MYH11: variants seen among roughly 807,000 people sequenced by gnomAD.
The protein encoded by MYH11 is myosin-11.
MYH11 carries 80 observed loss-of-function variants against 246.6 expected under a neutral mutation model. That is an observed-to-expected ratio of 0.32 (90% confidence interval 0.27 to 0.39). The LOEUF (loss-of-function observed/expected upper bound fraction) is 0.39, where lower values mean the gene tolerates loss of function less well. Ranked by LOEUF, MYH11 falls within the 10% of genes least tolerant of loss-of-function variation. The pLI, the probability that MYH11 is intolerant of heterozygous loss-of-function variation, is 1.00. For missense variants in MYH11, 2,158 were observed against 2,546.8 expected (o/e 0.85, Z 3.29); for synonymous variants, 1,071 against 1,015.5 (o/e 1.05, Z -1.04).
chr16:15,728,552 CTT>C (rs958478427), intron 27 of MYH11, among the ~76,000 whole-genome samples: 80 of 152,062 alleles, frequency 5.3e-4, no homozygotes, highest in Admixed American at 2.0e-3. Flanking sequence ...TTAAGGGAAA[CTT>C]ATTTTATGGA....
chr16:15,737,442 C>T lies in MYH11; in HGVS notation c.3293+7G>A, dbSNP rs201955317. 5.6e-6 allele frequency: 9 copies of T among 1,611,302 alleles called. No individual in the cohort carries two copies. The East Asian group carries it at 6.7e-5, about 12-fold the overall frequency. On this transcript the variant is annotated splice_region_variant and intron_variant, in intron 25 of 40. Coordinates refer to ENST00000300036, the MANE Select transcript of MYH11 (RefSeq NM_002474.3). ...ACACAGCAAATGCCCCTTGCCAGCC[C>T]CGCTACCTGGCCAGGGCCGCCTGCA...
At chr16:15,724,016 A>G in intron 31 of MYH11, 145 bp downstream of exon 31, 1 of 1,408,874 alleles carries the variant, frequency 7.1e-7, no homozygotes, top group Non-Finnish European at 9.8e-7. Flanking sequence ...TGGTCGCCCA[A>G]GACAAGATAA....
At chr16:15,720,687 T>G in intron 33 of MYH11, 152 bp downstream of exon 33, 1 of 863,926 alleles carries the variant, frequency 1.2e-6, no homozygotes, top group South Asian at 1.5e-5. Context: ...GAGCTGAGAT[T>G]ACGCCACTGC....
intron 7 of MYH11, among the ~76,000 whole-genome samples, chr16:15,778,039 T>C (rs2151298219): frequency 6.6e-6 from 1 of 152,222 alleles, no homozygotes; most frequent in Non-Finnish European, 1.5e-5. Context: ...CCAGGTCCTA[T>C]ACATTGCCAA....
chr16:15,831,937 TAA>T (rs34089893), intron 2 of MYH11, among the ~76,000 whole-genome samples: 6 of 142,730 alleles, frequency 4.2e-5, no homozygotes, highest in Admixed American at 7.0e-5. Context: ...GACTCCATGT[TAA>T]AAAAAAAAAA....
chr16:15,741,828 G>A lies in MYH11; in HGVS notation c.2584C>T (p.Gln862Ter). ...EEMQAKEDEL[Q>*]KTKERQQKAE... is the part of the protein sequence containing the mutation. ...TTCTGCTGCCGCTCCTTGGTCTTCT[G>A]CAGTTCATCCTCCTTGGCCTGCATC... The change falls in exon 21 of 41, where the codon CAG (glutamine) becomes TAG (stop). Residue 862 changes from glutamine to a stop codon, truncating the protein, a stop_gained. Transcript: ENST00000300036. LOFTEE classifies it high-confidence loss of function. The A allele has an allele frequency of 6.2e-7, 1 of 1,614,178 alleles. No individual in the cohort carries two copies. The highest frequency in any genetic ancestry group is 1.1e-5 in the South Asian group (1 of 91,078).
intron 3 of MYH11, among the ~76,000 whole-genome samples, chr16:15,806,635 A>C (rs2043020753): frequency 6.6e-6 from 1 of 152,188 alleles, no homozygotes; most frequent in Non-Finnish European, 1.5e-5. Flanking sequence ...TTTTTTAAAA[A>C]TGATGTTCAT....
chr16:15,785,005 TTGA>T, intron 5 of MYH11: 1 of 302,134 alleles, frequency 3.3e-6, no homozygotes, highest in Non-Finnish European at 5.8e-6. Flanking sequence ...GCTAATTCTC[TTGA>T]TTTTTTTTTT....
At chr16:15,718,566 A>AT in intron 36 of MYH11, 128 bp from the exon 37 acceptor site, 1 of 1,343,562 alleles carries the variant, frequency 7.4e-7, no homozygotes, top group East Asian at 2.5e-5. Flanking sequence ...CTTGGAGAAG[A>AT]TTAGAAGACT....
intron 3 of MYH11, among the ~76,000 whole-genome samples, chr16:15,799,292 G>C (rs1021095255): frequency 6.6e-6 from 1 of 152,118 alleles, no homozygotes; most frequent in Non-Finnish European, 1.5e-5. Flanking sequence ...AGGCTGCATT[G>C]GTCAGACTCT....
rs1197566728 is a variant in MYH11 at position 15,715,183 on chromosome 16, G to C, written c.5594C>G (p.Ala1865Gly). Reference sequence around the variant, plus strand: ...GGCTACCTGCTCCTTGTACTGCTCGGCCATCTTGCGCTCGTCCTCCACCTG... The same window carrying C: ...GGCTACCTGCTCCTTGTACTGCTCGCCCATCTTGCGCTCGTCCTCCACCTG... ...LLQVEDERKMAEQYKEQAEKG... is the reference protein window; with the variant it reads ...LLQVEDERKMGEQYKEQAEKG... The change falls in exon 39 of 41, where the codon GCC becomes GGC. Residue 1865 changes from alanine to glycine, a missense_variant. Coordinates refer to ENST00000300036, the MANE Select transcript of MYH11 (RefSeq NM_002474.3). 6.2e-7 allele frequency: 1 copy of C among 1,613,722 alleles called. No homozygotes were observed. The highest frequency in any genetic ancestry group is 2.2e-5 in the East Asian group (1 of 44,892).
At position 15,745,223 on chromosome 16, in the gene MYH11, C is replaced by T. The variant is rs534802983; in HGVS notation, c.2426G>A (p.Arg809Lys). 8 of 1,613,970 alleles carry T rather than the reference C, an allele frequency of 5.0e-6. No homozygotes were observed. The East Asian group carries it at 1.3e-4, about 27-fold the overall frequency. Residue 809 changes from arginine to lysine, a missense_variant, in exon 20 of 41, where the codon AGG (arginine) becomes AAG (lysine). This residue lies in a region of MYH11 where 90 missense variants were observed against 144.2 expected (regional missense o/e 0.62). Coordinates refer to ENST00000300036, the MANE Select transcript of MYH11 (RefSeq NM_002474.3). ...CTTCATGGCGGTCAGCTGCTGCTGC[C>T]TCTTGGCAAAAGCCCTAGGGAGGGG... ...GYLARKAFAK[R>K]QQQLTAMKVI...
At chr16:15,723,292 T>C (rs2054751096) in intron 31 of MYH11, among the ~76,000 whole-genome samples, 1 of 152,180 alleles carries the variant, frequency 6.6e-6, no homozygotes, top group Non-Finnish European at 1.5e-5. Flanking sequence ...TACTGACATC[T>C]GTAATTTGCT....
chr16:15,803,524 G>A (rs533658432), intron 3 of MYH11, among the ~76,000 whole-genome samples: 2 of 152,152 alleles, frequency 1.3e-5, no homozygotes, highest in African/African-American at 4.8e-5. Flanking sequence ...TGATCCGCCC[G>A]CCTCAGCCTC....
chr16:15,845,574 C>T lies in MYH11; in HGVS notation c.-17-7305G>A, dbSNP rs1285807227. The stretch of plus-strand genomic sequence containing the variant: ...TAGTCACAGAAGTGGCTTGATACGA[C>T]GCGTCTTCTTTTAATAGTATAACCA... On this transcript the variant is annotated intron_variant, in intron 1 of 40. Transcript: ENST00000300036. Among the ~76,000 whole-genome samples the T allele has an allele frequency of 5.3e-5, 8 of 152,264 alleles. No homozygotes were observed. In the East Asian group the frequency reaches 7.7e-4, roughly 15 times the overall value.
At chr16:15,734,719 C>T (rs2041065246) in intron 26 of MYH11, among the ~76,000 whole-genome samples, 1 of 152,164 alleles carries the variant, frequency 6.6e-6, no homozygotes, top group Non-Finnish European at 1.5e-5. Flanking sequence ...TTTCTTAAAA[C>T]AGTATGAGAT....
At chr16:15,830,160 G>C (rs909181862) in intron 2 of MYH11, among the ~76,000 whole-genome samples, 3 of 151,778 alleles carry the variant, frequency 2.0e-5, no homozygotes, top group African/African-American at 7.3e-5. Flanking sequence ...CACAGGCCTG[G>C]GCAGAGTGTT....
intron 27 of MYH11, among the ~76,000 whole-genome samples, chr16:15,730,369 T>TAAA (rs746923275): frequency 2.0e-4 from 19 of 97,226 alleles, no homozygotes; most frequent in Non-Finnish European, 4.5e-5. Context: ...CCATCTCTAC[T>TAAA]AAAAAAAAAA....
chr16:15,775,166 T>A (rs2042190785), intron 8 of MYH11, among the ~76,000 whole-genome samples: 1 of 152,186 alleles, frequency 6.6e-6, no homozygotes, highest in Non-Finnish European at 1.5e-5. Flanking sequence ...TTTTTAAGAG[T>A]TAGTAAACAG....
Sources: allele counts gnomAD v4.1 joint callset (sites outside exome capture counted in the v4.1 genomes callset), GRCh38; gene constraint gnomAD v4.1.1; regional missense constraint gnomAD v4.1.1; transcripts MANE v1.5; gene names NCBI Gene and HGNC (gene_info 2026-07-23, HGNC 2026-07-21).